The following RPH3AL variants were observed in gnomAD, a reference collection of about 807,000 sequenced individuals.
The protein encoded by RPH3AL is rabphilin 3A like (without C2 domains).
RPH3AL carries 38 observed loss-of-function variants against 43.1 expected under a neutral mutation model. The ratio of observed to expected loss-of-function variants is 0.88; its 90% CI spans 0.68 to 1.15. The LOEUF (loss-of-function observed/expected upper bound fraction) is 1.15, where lower values mean the gene tolerates loss of function less well. Ranked by LOEUF, RPH3AL falls within the 50% of genes most tolerant of loss-of-function variation. The pLI, the probability that RPH3AL is intolerant of heterozygous loss-of-function variation, is 0.00. For missense variants in RPH3AL, 462 were observed against 423.2 expected (o/e 1.09, Z -0.81); for synonymous variants, 189 against 176.3 (o/e 1.07, Z -0.57).
At chr17:236,885 CCGGGAT>C (rs577248617) in intron 7 of RPH3AL, among the ~76,000 whole-genome samples, 231 of 152,392 alleles carry the variant, frequency 1.5e-3, no homozygotes, top group African/African-American at 5.1e-3. Context: ...GTTTTGGAAG[CCGGGAT>C]CCTGGGCCCT....
Position 341,802 on chromosome 17 carries a change from C to T in RPH3AL, c.-212-7868G>A, listed in dbSNP as rs574731507. Among the ~76,000 whole-genome samples the T allele has an allele frequency of 4.1e-4, 63 of 152,240 alleles. 1 individual carries two copies. The highest frequency in any genetic ancestry group is 8.8e-5 in the Non-Finnish European group (6 of 68,004). ...GGCTCAAGTTGTCCTCCCACCTCGG[C>T]CCCCCAGATAGCTGAGATGACAGGC... On this transcript the variant is annotated intron_variant, in intron 1 of 9. Coordinates refer to ENST00000331302, the MANE Select transcript of RPH3AL (RefSeq NM_006987.4).
intron 5 of RPH3AL, among the ~76,000 whole-genome samples, chr17:285,283 C>T (rs565569965): frequency 3.0e-4 from 45 of 152,296 alleles, no homozygotes; most frequent in African/African-American, 9.1e-4. Context: ...AGAGGCCGCA[C>T]GGCACGGCGC....
intron 6 of RPH3AL, among the ~76,000 whole-genome samples, chr17:266,079 G>C (rs4471740): frequency 0.064 from 9,819 of 152,298 alleles, 429 homozygotes; most frequent in Non-Finnish European, 0.087. Flanking sequence ...GCATCCATCT[G>C]GTCCAATCCC....
chr17:276,183 G>A (rs1453949000), intron 6 of RPH3AL, among the ~76,000 whole-genome samples: 1 of 152,246 alleles, frequency 6.6e-6, no homozygotes, highest in African/African-American at 2.4e-5. Flanking sequence ...ATCTGTGGCT[G>A]TTAATAGGAA....
At position 305,075 on chromosome 17, in the gene RPH3AL, G is replaced by A. The variant is rs189501375; in HGVS notation, c.351+14345C>T. ...GACAGGGCGAGAGGGGGACAGGGCGGGAGGGGGACAGGGCGGGAGGGGGAC... is the reference window on the plus strand; with the variant it reads ...GACAGGGCGAGAGGGGGACAGGGCGAGAGGGGGACAGGGCGGGAGGGGGAC... On this transcript the variant is annotated intron_variant, in intron 5 of 9. Coordinates refer to ENST00000331302, the MANE Select transcript of RPH3AL (RefSeq NM_006987.4). Among the ~76,000 whole-genome samples, 24 of 35,584 alleles carry A rather than the reference G, an allele frequency of 6.7e-4. 2 individuals carry two copies. In the East Asian group the frequency reaches 9.3e-3, roughly 14 times the overall value. 23.3% of individuals were successfully genotyped at this position (35,584 alleles called of 152,430 possible).
intron 7 of RPH3AL, among the ~76,000 whole-genome samples, chr17:231,898 C>T (rs2041239020): frequency 6.6e-6 from 1 of 152,262 alleles, no homozygotes; most frequent in Non-Finnish European, 1.5e-5. Flanking sequence ...GGAAATCCAC[C>T]TCTAAGCCAG....
chr17:214,981 G>A (rs775432727), intron 9 of RPH3AL, among the ~76,000 whole-genome samples: 6 of 152,140 alleles, frequency 3.9e-5, no homozygotes, highest in Admixed American at 2.0e-4. Flanking sequence ...GGGAGCCATC[G>A]AGTGGGGAAG....
rs71283552 is a variant in RPH3AL at position 253,753 on chromosome 17, T to A, written c.439-6468A>T. Among the ~76,000 whole-genome samples, 151 of 107,264 alleles carry A rather than the reference T, an allele frequency of 1.4e-3. 2 individuals carry two copies. Among genetic ancestry groups the A allele is most frequent in the African/African-American group, 3.7e-3 (117 of 31,488 alleles). 70.4% of individuals were successfully genotyped at this position (107,264 alleles called of 152,430 possible). On this transcript the variant is annotated intron_variant, in intron 6 of 9. Transcript: ENST00000331302. ...TCCATCCCTAGGAACGTGACTACCC[T>A]ACGTACTTCCTATGAGGGGAGCCGC...
At chr17:284,943 C>T (rs2042869957) in intron 5 of RPH3AL, among the ~76,000 whole-genome samples, 2 of 152,168 alleles carry the variant, frequency 1.3e-5, no homozygotes, top group South Asian at 4.1e-4. Flanking sequence ...TGGCCTCCTC[C>T]TCTGATAAGG....
intron 7 of RPH3AL, among the ~76,000 whole-genome samples, chr17:222,857 C>T (rs967906248): frequency 6.6e-6 from 1 of 152,168 alleles, no homozygotes; most frequent in Admixed American, 6.5e-5. Context: ...CTGCCCACCC[C>T]TAATTCCATA....
chr17:334,874 GAGGGAC>G (rs894887435), intron 1 of RPH3AL, among the ~76,000 whole-genome samples: 9 of 86,858 alleles, frequency 1.0e-4, no homozygotes, highest in East Asian at 7.9e-4. Context: ...ATCCACTGCG[GAGGGAC>G]AGGGACAGGG....
At chr17:315,599 C>A (rs1555520164) in intron 5 of RPH3AL, among the ~76,000 whole-genome samples, 3 of 151,196 alleles carry the variant, frequency 2.0e-5, no homozygotes, top group Admixed American at 6.6e-5. Context: ...CTGTGCTCCA[C>A]CTCCACTGAA....
At position 289,710 on chromosome 17, in the gene RPH3AL, C is replaced by A. The variant is rs1354255111; in HGVS notation, c.352-7856G>T. Reference sequence around the variant, plus strand: ...TCAGCCCCGACCCTCTGAGCTCCAGCCGTGTGGGCCGTTTGTCAGCCCCTG... The same window carrying A: ...TCAGCCCCGACCCTCTGAGCTCCAGACGTGTGGGCCGTTTGTCAGCCCCTG... On this transcript the variant is annotated intron_variant, in intron 5 of 9. Transcript: ENST00000331302. This position sits in a 1 kb window ranked among gnomAD's most constrained non-coding sequence, Gnocchi z 5.2. 6.6e-6 allele frequency among the ~76,000 whole-genome samples: 1 copy of A among 152,234 alleles called. No homozygotes were observed. The highest frequency in any genetic ancestry group is 1.5e-5 in the Non-Finnish European group (1 of 68,042).
intron 7 of RPH3AL, among the ~76,000 whole-genome samples, chr17:223,196 G>GAAA (rs11370789): frequency 6.9e-6 from 1 of 144,642 alleles, no homozygotes; most frequent in African/African-American, 2.5e-5. Context: ...TCTCAAAAAA[G>GAAA]AAAAAAAAAA....
chr17:305,262 T>C (rs1256151448), intron 5 of RPH3AL, among the ~76,000 whole-genome samples: 1 of 151,720 alleles, frequency 6.6e-6, no homozygotes, highest in South Asian at 2.1e-4. Flanking sequence ...ACCGGCCGAG[T>C]TGGGACTCAG....
chr17:266,661 G>A (rs1168808410), intron 6 of RPH3AL, among the ~76,000 whole-genome samples: 7 of 152,250 alleles, frequency 4.6e-5, no homozygotes, highest in African/African-American at 1.2e-4. Context: ...GAGCAACCAG[G>A]TCAGTCTGGG....
chr17:233,265 T>G (rs777137692), intron 7 of RPH3AL, among the ~76,000 whole-genome samples: 5 of 152,112 alleles, frequency 3.3e-5, no homozygotes, highest in Non-Finnish European at 4.4e-5. Flanking sequence ...AATTCCTCTG[T>G]AAGTTTCATT....
intron 7 of RPH3AL, among the ~76,000 whole-genome samples, chr17:240,781 C>T (rs1051716029): frequency 3.3e-5 from 5 of 152,130 alleles, no homozygotes; most frequent in Admixed American, 3.3e-4. Context: ...CGTCTTCGGC[C>T]GGGCACGGTG....
intron 1 of RPH3AL, among the ~76,000 whole-genome samples, chr17:334,999 G>A (rs957677679): frequency 3.3e-5 from 5 of 152,196 alleles, no homozygotes; most frequent in African/African-American, 4.8e-5. Context: ...TCAGGGACAC[G>A]TTCACTGATA....
Sources: allele counts gnomAD v4.1 joint callset (sites outside exome capture counted in the v4.1 genomes callset), GRCh38; gene constraint gnomAD v4.1.1; non-coding constraint Gnocchi (gnomAD v3.1); transcripts MANE v1.5; gene names NCBI Gene and HGNC (gene_info 2026-07-23, HGNC 2026-07-21).